Variants in ZNF430 observed in about 807,000 individuals in gnomAD.
The protein encoded by ZNF430 is zinc finger protein 430.
ZNF430 carries 35 observed loss-of-function variants against 56.7 expected under a neutral mutation model. The observed-to-expected ratio is 0.62, with a 90% CI of 0.47 to 0.82. The LOEUF is 0.82. Among genes scored for constraint, ZNF430 ranks in the 40% least tolerant of loss-of-function variants. The pLI is 0.00. For synonymous variants in ZNF430, 212 were observed against 224.3 expected, an observed-to-expected ratio of 0.94 and a Z score of 0.49; for missense variants, 574 against 661.0, an observed-to-expected ratio of 0.87 and a Z score of 1.44.
At chr19:21,035,565 G>A (rs1967983924) in intron 4 of ZNF430, 1 of 214,986 alleles carries the variant, frequency 4.7e-6, no homozygotes, top group Non-Finnish European at 9.9e-6. Flanking sequence ...TAAAATAGAA[G>A]CATTGACAAT....
At position 21,059,694 on chromosome 19, in the gene ZNF430, A is replaced by C. The variant is rs1250054219; in HGVS notation, c.*1673A>C. ...ACAGATTTTTTGTAAATAATGATGT[A>C]ATTCAACTCTCAAAATATTTCCTAC... On this transcript the variant is annotated 3_prime_UTR_variant, in exon 5 of 5. Coordinates refer to ENST00000261560, the MANE Select transcript of ZNF430 (RefSeq NM_025189.4). 1 of 152,162 alleles carries C rather than the reference A, an allele frequency of 6.6e-6. No homozygotes were observed. The highest frequency in any genetic ancestry group is 2.4e-5 in the African/African-American group (1 of 41,438). 9.4% of individuals were successfully genotyped at this position (152,162 alleles called of 1,614,324 possible).
intron 2 of ZNF430, among the ~76,000 whole-genome samples, chr19:21,030,360 T>G (rs1967877857): frequency 6.6e-6 from 1 of 152,244 alleles, no homozygotes; most frequent in South Asian, 2.1e-4. Context: ...TGGGAATTAT[T>G]GAACACTTAG....
At chr19:21,046,258 G>A (rs562649121) in intron 4 of ZNF430, among the ~76,000 whole-genome samples, 1 of 150,030 alleles carries the variant, frequency 6.7e-6, no homozygotes, top group South Asian at 2.1e-4. Context: ...GGCAGATGTT[G>A]CAGTTAGTCA....
At chr19:21,025,542 C>T (rs1014120254) in intron 2 of ZNF430, among the ~76,000 whole-genome samples, 1 of 152,130 alleles carries the variant, frequency 6.6e-6, no homozygotes, top group East Asian at 1.9e-4. Context: ...TACCCAGCCC[C>T]TATTCGAAAT....
At chr19:21,041,077 T>A (rs1968094021) in intron 4 of ZNF430, among the ~76,000 whole-genome samples, 1 of 152,216 alleles carries the variant, frequency 6.6e-6, no homozygotes, top group African/African-American at 2.4e-5. Context: ...GACAGCGTAT[T>A]GTATGCTTTT....
At chr19:21,052,512 C>T (rs1968299925) in intron 4 of ZNF430, among the ~76,000 whole-genome samples, 1 of 152,142 alleles carries the variant, frequency 6.6e-6, no homozygotes. Context: ...GATACAAACA[C>T]ACACACACAC....
In ZNF430 at chr19:21,033,569, C is replaced by T. The variant is rs1967940049; in HGVS notation, c.210C>T (p.Asn70=). 1.2e-6 allele frequency: 2 copies of T among 1,608,696 alleles called. No individual in the cohort carries two copies. The highest frequency in any genetic ancestry group is 1.7e-5 in the Admixed American group (1 of 59,400). Residue 70 remains asparagine, a synonymous_variant, in exon 3 of 5, where the codon AAC becomes AAT. Coordinates refer to ENST00000261560, the MANE Select transcript of ZNF430 (RefSeq NM_025189.4). ...YRKVMLENYR[N]LVFLAGIAVS... ...AAGTGATGTTAGAGAACTACAGAAA[C>T]CTGGTCTTCTTGGGTGAGAATAACT...
chr19:21,055,420 T>G (rs1460727096), intron 4 of ZNF430, among the ~76,000 whole-genome samples: 2 of 151,454 alleles, frequency 1.3e-5, no homozygotes, highest in Non-Finnish European at 2.9e-5. Flanking sequence ...GAGTTTGTGT[T>G]TCTTCTTTTT....
chr19:21,037,581 G>T (rs1391256145), intron 4 of ZNF430, among the ~76,000 whole-genome samples: 1 of 152,170 alleles, frequency 6.6e-6, no homozygotes, highest in African/African-American at 2.4e-5. Flanking sequence ...GTCATGTGTT[G>T]CATATTTTAA....
At chr19:21,056,344 C>T (rs1340329395) in intron 4 of ZNF430, among the ~76,000 whole-genome samples, 1 of 152,012 alleles carries the variant, frequency 6.6e-6, no homozygotes, top group Non-Finnish European at 1.5e-5. Flanking sequence ...CAAAAATTAG[C>T]TGTGCGTGGT....
chr19:21,042,108 G>C (rs1051143876), intron 4 of ZNF430, among the ~76,000 whole-genome samples: 12 of 152,152 alleles, frequency 7.9e-5, no homozygotes, highest in Non-Finnish European at 1.5e-4. Flanking sequence ...ATGGCTTTCA[G>C]CTTTATCCAT....
intron 2 of ZNF430, among the ~76,000 whole-genome samples, chr19:21,026,827 C>CTTTTTT (rs747809260): frequency 0.22 from 14,964 of 68,086 alleles, 3,165 homozygotes; most frequent in East Asian, 0.36. Flanking sequence ...CTTTTCTTTT[C>CTTTTTT]TTTTTTTTTT....
rs181620849 is a variant in ZNF430 at position 21,041,255 on chromosome 19, C to T, written c.322+7071C>T. Among the ~76,000 whole-genome samples the T allele has an allele frequency of 5.0e-3, 761 of 152,192 alleles. 9 individuals are homozygous for T. Among genetic ancestry groups the T allele is most frequent in the South Asian group, 0.013 (61 of 4,832 alleles). On this transcript the variant is annotated intron_variant, in intron 4 of 4. Coordinates refer to ENST00000261560, the MANE Select transcript of ZNF430 (RefSeq NM_025189.4). ...TGATCTCATCTCAGCTTCCAAGTAG[C>T]TGGGCTGCAAATGTGTGTCGTCACG...
At chr19:21,038,986 G>C (rs147495734) in intron 4 of ZNF430, among the ~76,000 whole-genome samples, 277 of 152,232 alleles carry the variant, frequency 1.8e-3, no homozygotes, top group African/African-American at 6.4e-3. Flanking sequence ...GTCTCTCTCT[G>C]TCATCCAGGC....
In ZNF430 at chr19:21,057,000, A is replaced by G; in HGVS notation, c.692A>G (p.Asn231Ser). The G allele has an allele frequency of 6.2e-7, 1 of 1,614,074 alleles. No homozygotes were observed. The highest frequency in any genetic ancestry group is 1.1e-5 in the South Asian group (1 of 91,018). The part of the protein sequence containing the change: ...TQHKRIHIRE[N>S]SYQCEECGKV... ...CATAAAAGAATTCATATTAGGGAAA[A>G]TTCTTACCAATGTGAAGAATGTGGT... The change falls in exon 5 of 5, where the codon AAT becomes AGT. Residue 231 changes from asparagine (N) to serine (S), a missense_variant. By Grantham distance (46) the Asn-to-Ser change is conservative. Coordinates refer to ENST00000261560, the MANE Select transcript of ZNF430 (RefSeq NM_025189.4).
chr19:21,025,089 A>C (rs1206892089), intron 2 of ZNF430, among the ~76,000 whole-genome samples: 1 of 152,202 alleles, frequency 6.6e-6, no homozygotes, highest in South Asian at 2.1e-4. Context: ...GAAAGAATTC[A>C]GGGTGAGTCT....
chr19:21,022,195 C>T (rs904917695), intron 1 of ZNF430, among the ~76,000 whole-genome samples: 4 of 152,022 alleles, frequency 2.6e-5, no homozygotes, highest in African/African-American at 9.7e-5. Context: ...AGTCTAATTG[C>T]CTGCCACTCA....
chr19:21,051,929 G>C (rs1288750443), intron 4 of ZNF430, among the ~76,000 whole-genome samples: 1 of 151,644 alleles, frequency 6.6e-6, no homozygotes, highest in African/African-American at 2.4e-5. Context: ...ATTGTCTTTT[G>C]AGAGTCCATA....
intron 1 of ZNF430, among the ~76,000 whole-genome samples, chr19:21,022,139 C>T (rs372709329): frequency 9.2e-5 from 14 of 152,032 alleles, no homozygotes; most frequent in Admixed American, 3.3e-4. Flanking sequence ...CGCCCAGCCA[C>T]GTTAGATCTT....
Sources: gnomAD v4.1 joint callset for allele counts (sites outside exome capture counted in the v4.1 genomes callset) on GRCh38, gnomAD v4.1.1 for gene constraint, MANE v1.5 for transcripts, NCBI Gene and HGNC (gene_info 2026-07-23, HGNC 2026-07-21) for gene names.